Variants in ZNF454 observed in about 807,000 individuals in gnomAD.
The protein encoded by ZNF454 is zinc finger protein 454.
ZNF454 carries 30 observed loss-of-function variants against 48.2 expected under a neutral mutation model. The observed-to-expected ratio is 0.62, with a 90% CI of 0.47 to 0.84. The LOEUF (loss-of-function observed/expected upper bound fraction) is 0.84, where lower values mean the gene tolerates loss of function less well. Among genes scored for constraint, ZNF454 ranks in the 40% least tolerant of loss-of-function variants. The probability of loss-of-function intolerance (pLI) is 0.00; values close to 1 mark genes in which losing one functional copy is unlikely to be tolerated. For synonymous variants in ZNF454, 204 were observed against 211.4 expected, an observed-to-expected ratio of 0.97 and a Z score of 0.30; for missense variants, 510 against 623.1, an observed-to-expected ratio of 0.82 and a Z score of 1.93.
At chr5:178,983,000 G>T in the ZNF454 span, 1 of 1,614,104 alleles carries the variant, frequency 6.2e-7, no homozygotes, top group Non-Finnish European at 8.5e-7. Context: ...CGATGGGCTT[G>T]GCCTCGTTGA....
At chr5:178,957,591 AGT>A (rs1759829505) in intron 4 of ZNF454, among the ~76,000 whole-genome samples, 1 of 151,726 alleles carries the variant, frequency 6.6e-6, no homozygotes, top group Non-Finnish European at 1.5e-5. Context: ...TTGTATTTTT[AGT>A]AGAGACGGGG....
At chr5:178,983,154 C>T in the ZNF454 span, 26 of 1,614,000 alleles carry the variant, frequency 1.6e-5, no homozygotes, top group African/African-American at 9.3e-5. Flanking sequence ...GTCCACCGTC[C>T]GCTGTTCCTC....
At chr5:178,985,865 G>A in the ZNF454 span, 267 of 552,774 alleles carry the variant, frequency 4.8e-4, no homozygotes, top group Middle Eastern at 4.0e-3. Context: ...GGGCTCAAGC[G>A]ATCCTCCTAT....
intron 4 of ZNF454, among the ~76,000 whole-genome samples, chr5:178,959,506 A>G (rs1005381582): frequency 1.1e-4 from 16 of 152,222 alleles, no homozygotes; most frequent in Non-Finnish European, 1.5e-4. Context: ...AATTTTCACA[A>G]AATTCCTGCT....
intron 4 of ZNF454, among the ~76,000 whole-genome samples, chr5:178,956,519 GAA>G (rs397955241): frequency 1.5e-4 from 17 of 112,370 alleles, no homozygotes; most frequent in African/African-American, 5.3e-4. Flanking sequence ...CTCCTGAAAA[GAA>G]AAAAAAAAAA....
In ZNF454 at chr5:178,965,623, A is replaced by G; in HGVS notation, c.1219A>G (p.Thr407Ala). Residue 407 changes from threonine (T) to alanine (A), a missense_variant, in exon 5 of 5, where the codon ACT becomes GCT. Around this residue, in one of 3 missense-constraint regions of ZNF454, gnomAD observed 153 missense variants for 195.8 expected, o/e 0.78. Transcript: ENST00000519564. The surrounding 1 kb of genome is among the most constrained non-coding windows in gnomAD (Gnocchi z 5.2). ...SSFARHRKIH[T>A]GEKPYRCGLC... Reference sequence around the variant, plus strand: ...CTTTGCACGACATCGGAAAATTCACACTGGAGAGAAACCTTACAGATGTGG... The same window carrying G: ...CTTTGCACGACATCGGAAAATTCACGCTGGAGAGAAACCTTACAGATGTGG... The G allele has an allele frequency of 6.2e-7, 1 of 1,614,204 alleles. No individual in the cohort carries two copies. Among genetic ancestry groups the G allele is most frequent in the East Asian group, 2.2e-5 (1 of 44,884 alleles).
At chr5:178,951,195 AT>A (rs961669084) in intron 4 of ZNF454, among the ~76,000 whole-genome samples, 1 of 152,154 alleles carries the variant, frequency 6.6e-6, no homozygotes, top group Non-Finnish European at 1.5e-5. Context: ...CTTACATGTA[AT>A]TTCTACACAC....
At position 178,948,465 on chromosome 5, in the gene ZNF454, T is replaced by C. The variant is rs141730392; in HGVS notation, c.250+1479T>C. Among the ~76,000 whole-genome samples, 20 of 152,342 alleles carry C rather than the reference T, an allele frequency of 1.3e-4. No individual in the cohort carries two copies. The East Asian group carries it at 3.3e-3, about 25-fold the overall frequency. On this transcript the variant is annotated intron_variant, in intron 4 of 4. Coordinates refer to ENST00000519564, the MANE Select transcript of ZNF454 (RefSeq NM_001178089.3). ...CATTCAATCATCCATTCATTCATGA[T>C]TCATGGAGTCTAATTCTTCATTGCA... is the stretch of plus-strand genomic sequence containing the variant.
rs1760081687 is a variant in ZNF454 at position 178,964,391 on chromosome 5, A to G, written c.251-264A>G. Among the ~76,000 whole-genome samples, 3 of 152,142 alleles carry G rather than the reference A, an allele frequency of 2.0e-5. No homozygotes were observed. The South Asian group carries it at 6.2e-4, about 31-fold the overall frequency. ...CGCCTTGGCCTCCCAAAGTGCTGGG[A>G]TTACAGGTGTGAGCCACAACGCCCA... On this transcript the variant is annotated intron_variant, in intron 4 of 4. Coordinates refer to ENST00000519564, the MANE Select transcript of ZNF454 (RefSeq NM_001178089.3).
chr5:178,971,525 G>A, the ZNF454 span, among the ~76,000 whole-genome samples: 1 of 151,988 alleles, frequency 6.6e-6, no homozygotes, highest in African/African-American at 2.4e-5. Context: ...TCGAAGACGT[G>A]CCCAGCTCAG....
the ZNF454 span, among the ~76,000 whole-genome samples, chr5:178,988,754 A>G: frequency 6.6e-6 from 1 of 152,050 alleles, no homozygotes; most frequent in Non-Finnish European, 1.5e-5. This position sits in a 1 kb window ranked among gnomAD's most constrained non-coding sequence, Gnocchi z 6.0. Context: ...CTGGGGAGGG[A>G]GCAGTGTTAA....
the ZNF454 span, chr5:178,983,330 GA>G: frequency 3.2e-6 from 3 of 940,540 alleles, no homozygotes; most frequent in Non-Finnish European, 5.0e-6. Context: ...CTGGCCTATG[GA>G]GGGGATGCTC....
intron 4 of ZNF454, among the ~76,000 whole-genome samples, chr5:178,954,400 A>G (rs903796558): frequency 6.6e-6 from 1 of 152,146 alleles, no homozygotes; most frequent in Non-Finnish European, 1.5e-5. Flanking sequence ...TTTGTGGAAT[A>G]CTTGATACTA....
In ZNF454 at chr5:178,946,997, T is replaced by C; in HGVS notation, c.250+11T>C. 6.2e-7 allele frequency: 1 copy of C among 1,611,650 alleles called. No individual in the cohort carries two copies. The highest frequency in any genetic ancestry group is 8.5e-7 in the Non-Finnish European group (1 of 1,178,548). On this transcript the variant is annotated intron_variant, in intron 4 of 4. Coordinates refer to ENST00000519564, the MANE Select transcript of ZNF454 (RefSeq NM_001178089.3). The surrounding 1 kb of genome is among the most constrained non-coding windows in gnomAD (Gnocchi z 4.5). Reference sequence around the variant, plus strand: ...GAGGCTTCTGTCTTGGTAAGAATCATGTGTGTGGGAGACACCGGGAGGAGC... The same window carrying C: ...GAGGCTTCTGTCTTGGTAAGAATCACGTGTGTGGGAGACACCGGGAGGAGC...
downstream of ZNF454, chr5:178,968,968 C>G: frequency 4.7e-6 from 2 of 423,714 alleles, no homozygotes; most frequent in Non-Finnish European, 4.8e-6. Flanking sequence ...GAGTTCGCCT[C>G]TCATCAGGCT....
At chr5:178,969,465 C>T (rs1272607416), downstream of ZNF454, 1 of 456,822 alleles carries the variant, frequency 2.2e-6, no homozygotes, top group Middle Eastern at 3.3e-4. Flanking sequence ...CTCTTGTAGT[C>T]CTAATGGCCA....
downstream of ZNF454, chr5:178,969,357 G>A (rs1662005633): frequency 2.3e-6 from 1 of 427,574 alleles, no homozygotes. Context: ...AGACATTTCA[G>A]TACTTACTGA....
rs1479492827 is a variant in ZNF454 at position 178,944,966 on chromosome 5, T to C, written c.34-1393T>C. ...CTAATCAGAAGGAACAAGTTTCCTA[T>C]TGTGCAGAATGACTGGTTCCATGGG... On this transcript the variant is annotated intron_variant, in intron 2 of 4. Coordinates refer to ENST00000519564, the MANE Select transcript of ZNF454 (RefSeq NM_001178089.3). This position sits in a 1 kb window ranked among gnomAD's most constrained non-coding sequence, Gnocchi z 4.1. Among the ~76,000 whole-genome samples the C allele has an allele frequency of 6.6e-6, 1 of 151,986 alleles. No homozygotes were observed. Among genetic ancestry groups the C allele is most frequent in the Admixed American group, 6.6e-5 (1 of 15,240 alleles).
At chr5:178,987,961 T>G in the ZNF454 span, among the ~76,000 whole-genome samples, 1 of 150,426 alleles carries the variant, frequency 6.6e-6, no homozygotes, top group Non-Finnish European at 1.5e-5. Flanking sequence ...GGTTTCACCA[T>G]GTTGGCCAGG....
Sources: allele counts gnomAD v4.1 joint callset (sites outside exome capture counted in the v4.1 genomes callset), GRCh38; gene constraint gnomAD v4.1.1; regional missense constraint gnomAD v4.1.1; non-coding constraint Gnocchi (gnomAD v3.1); transcripts MANE v1.5; gene names NCBI Gene and HGNC (gene_info 2026-07-23, HGNC 2026-07-21).